The following MARF1 variants were observed in gnomAD, a reference collection of about 807,000 sequenced individuals.
The protein encoded by MARF1 is limkain-b1.
In MARF1, 24 loss-of-function variants were observed where a neutral mutation model predicts 168.2. The observed-to-expected ratio is 0.14, with a 90% CI of 0.10 to 0.20. The LOEUF (loss-of-function observed/expected upper bound fraction) is 0.20, where lower values mean the gene tolerates loss of function less well. Among genes scored for constraint, MARF1 ranks in the 10% least tolerant of loss-of-function variants. The probability of loss-of-function intolerance (pLI) is 1.00; values close to 1 mark genes in which losing one functional copy is unlikely to be tolerated. For synonymous variants in MARF1, 868 were observed against 822.4 expected (o/e 1.06, Z -0.95); for missense variants, 1,744 against 2,143.6 (o/e 0.81, Z 3.68).
Position 15,604,277 on chromosome 16 carries a change from T to C in MARF1, c.4304A>G (p.Glu1435Gly), listed in dbSNP as rs568500227. 40 of 1,614,108 alleles carry C rather than the reference T, an allele frequency of 2.5e-5. No individual in the cohort carries two copies. The South Asian group carries it at 3.7e-4, about 15-fold the overall frequency. Residue 1435 changes from glutamate (E) to glycine (G), a missense_variant, in exon 22 of 27, where the codon GAG becomes GGG. Glu to Gly is a moderately conservative substitution (Grantham distance 98). Around this residue, in one of 7 missense-constraint regions of MARF1, gnomAD observed 74 missense variants for 66.7 expected, o/e 1.11. Transcript: ENST00000396368. The stretch of plus-strand genomic sequence containing the variant: ...ACTTTCGTAATGTCTCTTGAGCTCC[T>C]CAACAGAAAGATGGGTGGTTCCTTC... ...SWEGTTHLSV[E>G]ELKRHYESTH... is the part of the protein sequence containing the mutation.
intron 2 of MARF1, 146 bp from the exon 3 acceptor site, chr16:15,636,488 A>G (rs2035607176): frequency 3.2e-6 from 2 of 629,160 alleles, no homozygotes; most frequent in Admixed American, 3.2e-5. Context: ...AATCACAGCT[A>G]GTTAAAACCA....
Position 15,595,656 on chromosome 16 carries a change from T to G in MARF1, c.*1037A>C, listed in dbSNP as rs768857929. ...GATGCTGAGCTGACATACACACACA[T>G]AAAGCTTCCCAGCTACCGATACCAG... On this transcript the variant is annotated 3_prime_UTR_variant, in exon 27 of 27. Coordinates refer to ENST00000396368, the MANE Select transcript of MARF1 (RefSeq NM_014647.4). The G allele has an allele frequency of 6.6e-6, 1 of 152,182 alleles. No homozygotes were observed. The highest frequency in any genetic ancestry group is 1.5e-5 in the Non-Finnish European group (1 of 68,030). 9.4% of individuals were successfully genotyped at this position (152,182 alleles called of 1,614,324 possible). A position where few individuals can be genotyped will look rare whatever the true frequency, so the allele number is the denominator to read the frequency against.
At position 15,633,818 on chromosome 16, in the gene MARF1, T is replaced by C. The variant is rs1263748899; in HGVS notation, c.1032A>G (p.Gly344=). 6 of 1,612,852 alleles carry C rather than the reference T, an allele frequency of 3.7e-6. No homozygotes were observed. In the African/African-American group the frequency reaches 8.0e-5, roughly 22 times the overall value. Residue 344 remains glycine (G), a synonymous_variant, in exon 5 of 27, where the codon GGA becomes GGG. Transcript: ENST00000396368. The part of the protein sequence containing the change: ...KFGSPEVAVA[G]QVLENLPPIG... Reference sequence around the variant, plus strand: ...TGGGGGGTAAGTTTTCTAGCACCTGTCCAGCTACTGCAACTTCTGGTGACC... The same window carrying C: ...TGGGGGGTAAGTTTTCTAGCACCTGCCCAGCTACTGCAACTTCTGGTGACC...
intron 16 of MARF1, 151 bp from the exon 17 acceptor site, chr16:15,612,928 T>C: frequency 1.6e-6 from 1 of 640,618 alleles, no homozygotes; most frequent in Non-Finnish European, 2.7e-6. Context: ...AGTTTCTATA[T>C]TCAGGTCTCA....
chr16:15,608,676 G>T, intron 20 of MARF1, 158 bp from the exon 21 acceptor site: 1 of 613,632 alleles, frequency 1.6e-6, no homozygotes, highest in Non-Finnish European at 2.9e-6. Flanking sequence ...TCAGAAGATC[G>T]GTTGCATAAC....
At chr16:15,600,860 A>T in intron 23 of MARF1, 159 bp from the exon 24 acceptor site, 1 of 775,360 alleles carries the variant, frequency 1.3e-6, no homozygotes, top group Non-Finnish European at 2.3e-6. Context: ...CTTAGCTTTT[A>T]AAGCAACAGA....
At position 15,596,490 on chromosome 16, in the gene MARF1, AAAG is replaced by A; in HGVS notation, c.*200_*202del. The A allele has an allele frequency of 2.3e-6, 1 of 430,000 alleles. No homozygotes were observed. The allele number at this position is 430,000 out of a possible 1,614,324, so 26.6% of individuals were successfully genotyped here. On this transcript the variant is annotated 3_prime_UTR_variant, in exon 27 of 27. Transcript: ENST00000396368. ...AAGTTCTTCAAATAATTGAAAAAAG[AAAG>A]AAAAAGGAAGAAGAAAAGAAAGACT...
At chr16:15,634,517 G>A (rs2035457160) in intron 4 of MARF1, among the ~76,000 whole-genome samples, 1 of 151,966 alleles carries the variant, frequency 6.6e-6, no homozygotes, top group Non-Finnish European at 1.5e-5. Flanking sequence ...TATTTCTCCT[G>A]ATATACTACC....
intron 22 of MARF1, chr16:15,602,785 A>G (rs1162842458): frequency 2.7e-6 from 1 of 375,830 alleles, no homozygotes; most frequent in Non-Finnish European, 5.2e-6. Flanking sequence ...CGGGGGAGGC[A>G]AACTGTGTTG....
intron 25 of MARF1, 127 bp from the exon 26 acceptor site, chr16:15,599,151 T>A (rs2032113238): frequency 5.7e-6 from 3 of 525,522 alleles, no homozygotes; most frequent in Admixed American, 3.8e-5. Flanking sequence ...GTATTTAAGG[T>A]ATTAAAAAAA....
At chr16:15,638,756 G>A (rs1393370585) in intron 2 of MARF1, among the ~76,000 whole-genome samples, 1 of 152,174 alleles carries the variant, frequency 6.6e-6, no homozygotes, top group Non-Finnish European at 1.5e-5. Context: ...GAGGGCTACA[G>A]TAAAATACAA....
At chr16:15,621,369 T>C (rs1236961248) in intron 12 of MARF1, 1 of 219,746 alleles carries the variant, frequency 4.6e-6, no homozygotes. Context: ...GCTTGAAGAT[T>C]TGTAGATCTA....
rs764640036 is a variant in MARF1, at chr16:15,617,005, AAGC to A, written c.3077+44_3077+46del. On this transcript the variant is annotated intron_variant, in intron 15 of 26. Transcript: ENST00000396368. ...GCAGAAAGGGCAGGCTTCCTATAAA[AAGC>A]AGAACTAGGGCATTATATCGACAAA... 1.1e-5 allele frequency: 18 copies of A among 1,578,816 alleles called. No homozygotes were observed. In the East Asian group the frequency reaches 3.8e-4, roughly 33 times the overall value.
At chr16:15,639,449 G>A (rs761650683) in intron 1 of MARF1, among the ~76,000 whole-genome samples, 158 bp from the exon 2 acceptor site, 41 of 152,204 alleles carry the variant, frequency 2.7e-4, no homozygotes, top group Non-Finnish European at 2.2e-4. Flanking sequence ...CGCCCAGGCT[G>A]GCATGCAGTG....
rs1251107880 is a variant in MARF1 at position 15,624,896 on chromosome 16, T to C, written c.2143A>G (p.Ser715Gly). The change falls in exon 10 of 27, where the codon AGT becomes GGT. Residue 715 changes from serine (S) to glycine (G), a missense_variant. Ser to Gly is a moderately conservative substitution (Grantham distance 56). Coordinates refer to ENST00000396368, the MANE Select transcript of MARF1 (RefSeq NM_014647.4). ...KENLSARSVT[S>G]SPVEKKDKEE... ...TTATCTTTTTTCTCTACAGGAGAACTGGTAACACTTCGGGCACTGAGGTTC... is the reference window on the plus strand; with the variant it reads ...TTATCTTTTTTCTCTACAGGAGAACCGGTAACACTTCGGGCACTGAGGTTC... 11 of 1,614,184 alleles carry C rather than the reference T, an allele frequency of 6.8e-6. No individual in the cohort carries two copies. The highest frequency in any genetic ancestry group is 9.3e-6 in the Non-Finnish European group (11 of 1,180,032).
chr16:15,616,999 T>C, intron 15 of MARF1, 53 bp downstream of exon 15: 3 of 1,575,634 alleles, frequency 1.9e-6, no homozygotes, highest in Non-Finnish European at 2.6e-6. Flanking sequence ...GCAGGCTTCC[T>C]ATAAAAAGCA....
chr16:15,622,826 C>T (rs1190914431), intron 11 of MARF1, 108 bp downstream of exon 11: 15 of 829,686 alleles, frequency 1.8e-5, no homozygotes, highest in Non-Finnish European at 2.3e-5. Context: ...CAAACTTGTT[C>T]AGTCACACTT....
intron 13 of MARF1, among the ~76,000 whole-genome samples, chr16:15,618,930 A>G (rs953447788): frequency 3.9e-5 from 6 of 152,208 alleles, no homozygotes; most frequent in Non-Finnish European, 8.8e-5. Flanking sequence ...ATGCAAGGCA[A>G]AACACTCAGA....
chr16:15,624,910 G>A lies in MARF1; in HGVS notation c.2129C>T (p.Ala710Val). 1.9e-6 allele frequency: 3 copies of A among 1,614,072 alleles called. No individual in the cohort carries two copies. The highest frequency in any genetic ancestry group is 2.5e-6 in the Non-Finnish European group (3 of 1,180,018). ...KTSQKKENLSARSVTSSPVEK... is the reference protein window; with the variant it reads ...KTSQKKENLSVRSVTSSPVEK... ...TACAGGAGAACTGGTAACACTTCGG[G>A]CACTGAGGTTCTCCTTTCTAACAGA... Residue 710 changes from alanine (A) to valine (V), a missense_variant, in exon 10 of 27, where the codon GCC becomes GTC. Physicochemically the swap from Ala to Val is moderately conservative, Grantham distance 64 (BLOSUM62 0). This residue lies in a region of MARF1 where 270 missense variants were observed against 260.6 expected (regional missense o/e 1.04). Coordinates refer to ENST00000396368, the MANE Select transcript of MARF1 (RefSeq NM_014647.4).
Sources: gnomAD v4.1 joint callset for allele counts (sites outside exome capture counted in the v4.1 genomes callset) on GRCh38, gnomAD v4.1.1 for gene constraint, gnomAD v4.1.1 regional missense constraint, MANE v1.5 for transcripts, NCBI Gene and HGNC (gene_info 2026-07-23, HGNC 2026-07-21) for gene names.